The following GRID2 variants were observed in gnomAD, a reference collection of about 807,000 sequenced individuals.
GRID2 encodes the protein glutamate receptor ionotropic, delta-2.
GRID2 carries 33 observed loss-of-function variants against 114.8 expected under a neutral mutation model. The ratio of observed to expected loss-of-function variants is 0.29; its 90% CI spans 0.22 to 0.38. GRID2 has a LOEUF of 0.38. GRID2 is among the 10% of genes least tolerant of loss of function. The probability of loss-of-function intolerance (pLI) is 1.00; values close to 1 mark genes in which losing one functional copy is unlikely to be tolerated. For synonymous variants in GRID2, 505 were observed against 449.9 expected (o/e 1.12, Z -1.55); for missense variants, 1,184 against 1,257.7 (o/e 0.94, Z 0.89).
chr4:93,187,758 G>A (rs1167823139), intron 4 of GRID2, among the ~76,000 whole-genome samples: 1 of 152,136 alleles, frequency 6.6e-6, no homozygotes, highest in Non-Finnish European at 1.5e-5. Flanking sequence ...ACAATGATTG[G>A]ACAGACATAG....
At chr4:93,262,275 C>T (rs530426009) in intron 8 of GRID2, among the ~76,000 whole-genome samples, 25 of 152,024 alleles carry the variant, frequency 1.6e-4, no homozygotes, top group African/African-American at 5.3e-4. Flanking sequence ...GCATTCCTTT[C>T]TAAAGCAGTG....
chr4:92,333,517 A>C (rs1727002459), intron 1 of GRID2, among the ~76,000 whole-genome samples: 1 of 151,898 alleles, frequency 6.6e-6, no homozygotes, highest in South Asian at 2.1e-4. Flanking sequence ...TTGCTTGGAC[A>C]CTCTTGGTTT....
chr4:93,335,849 A>G (rs1759025324), intron 8 of GRID2, among the ~76,000 whole-genome samples: 1 of 151,774 alleles, frequency 6.6e-6, no homozygotes, highest in Non-Finnish European at 1.5e-5. Flanking sequence ...CAGGCACACT[A>G]TCATATTCGG....
At position 93,110,770 on chromosome 4, in the gene GRID2, C is replaced by G. The variant is rs1353138332; in HGVS notation, c.552C>G (p.Phe184Leu). The change falls in exon 4 of 16, where the codon TTC becomes TTG. Residue 184 changes from phenylalanine (F) to leucine (L), a missense_variant. This residue lies in a region of GRID2 where 455 missense variants were observed against 429.5 expected (regional missense o/e 1.06). Transcript: ENST00000282020. ...CAGATATCCGTGGAATACAGGAGTT[C>G]TTGGACAAAGTCTCTCAGCAGGGAA... Reference protein sequence around the residue: ...SEYDIRGIQEFLDKVSQQGMD... With the variant: ...SEYDIRGIQELLDKVSQQGMD... 1 of 1,611,762 alleles carries G rather than the reference C, an allele frequency of 6.2e-7. No individual in the cohort carries two copies. The highest frequency in any genetic ancestry group is 1.3e-5 in the African/African-American group (1 of 74,864).
intron 11 of GRID2, 117 bp from the exon 12 acceptor site, chr4:93,490,522 G>A (rs1191344050): frequency 4.4e-6 from 3 of 675,682 alleles, no homozygotes; most frequent in African/African-American, 3.6e-5. Flanking sequence ...CTATGTTGAT[G>A]TTAAGCAGAA....
chr4:93,104,281 A>T (rs1731985701), intron 3 of GRID2, among the ~76,000 whole-genome samples: 1 of 152,148 alleles, frequency 6.6e-6, no homozygotes, highest in Non-Finnish European at 1.5e-5. Context: ...AGAGGCTTAA[A>T]CAACACAAGT....
intron 2 of GRID2, among the ~76,000 whole-genome samples, chr4:93,067,276 C>A (rs979571156): frequency 6.6e-6 from 1 of 151,902 alleles, no homozygotes; most frequent in Non-Finnish European, 1.5e-5. Flanking sequence ...GCCAAGCACC[C>A]TTATCATCTT....
At chr4:92,400,736 G>T (rs1342403767) in intron 1 of GRID2, among the ~76,000 whole-genome samples, 1 of 151,978 alleles carries the variant, frequency 6.6e-6, no homozygotes, top group Non-Finnish European at 1.5e-5. Context: ...AACGCATGAA[G>T]GTTCTTATTT....
chr4:92,398,105 A>G (rs1378594748), intron 1 of GRID2, among the ~76,000 whole-genome samples: 1 of 152,184 alleles, frequency 6.6e-6, no homozygotes, highest in Non-Finnish European at 1.5e-5. Context: ...TTGACATGGC[A>G]AATTTTGACT....
chr4:93,535,687 G>A (rs996580721), intron 13 of GRID2, among the ~76,000 whole-genome samples: 3 of 151,936 alleles, frequency 2.0e-5, no homozygotes, highest in South Asian at 4.2e-4. Context: ...TTGGCCATTT[G>A]TATACCCTCT....
chr4:92,522,100 A>C (rs1185567220), intron 1 of GRID2, among the ~76,000 whole-genome samples: 1 of 151,830 alleles, frequency 6.6e-6, no homozygotes. Context: ...TGGCAGTATT[A>C]AGGAGGAGCA....
chr4:92,723,864 C>T lies in GRID2; in HGVS notation c.244+133578C>T, dbSNP rs146132692. 2.6e-4 allele frequency among the ~76,000 whole-genome samples: 39 copies of T among 152,244 alleles called. No homozygotes were observed. The East Asian group carries it at 7.3e-3, about 29-fold the overall frequency. On this transcript the variant is annotated intron_variant, in intron 2 of 15. Transcript: ENST00000282020. ...AAGTCGGCTACTTCTCTTCCTATTA[C>T]CTCTTGTTTGTAAATATGATTAAAT...
chr4:92,854,444 C>T (rs538195589), intron 2 of GRID2, among the ~76,000 whole-genome samples: 2 of 151,988 alleles, frequency 1.3e-5, no homozygotes, highest in East Asian at 3.9e-4. Flanking sequence ...GCTTGAGGAA[C>T]ATAGAGTGAT....
At chr4:93,544,550 G>T (rs1172247890) in intron 13 of GRID2, among the ~76,000 whole-genome samples, 1 of 152,038 alleles carries the variant, frequency 6.6e-6, no homozygotes, top group Non-Finnish European at 1.5e-5. Flanking sequence ...GGCCAAGGCA[G>T]GTGGATCACC....
intron 8 of GRID2, among the ~76,000 whole-genome samples, chr4:93,327,886 AT>A (rs1409995175): frequency 6.6e-6 from 1 of 152,182 alleles, no homozygotes; most frequent in Non-Finnish European, 1.5e-5. Flanking sequence ...ATAAATTTAT[AT>A]AAATAGACGT....
At position 93,455,815 on chromosome 4, in the gene GRID2, C is replaced by T. The variant is rs199616654; in HGVS notation, c.1699C>T (p.Leu567Phe). The change falls in exon 11 of 16, where the codon CTC becomes TTC. Residue 567 changes from leucine to phenylalanine, a missense_variant. Leu to Phe is a conservative substitution (Grantham distance 22, BLOSUM62 0). Transcript: ENST00000282020. ...DMFACLAPFD[L>F]SLWACIAGTV... ...GTTTGCCTGTCTTGCACCATTTGAT[C>T]TCTCTCTATGGGCTTGCATTGCTGG... 4 of 1,613,626 alleles carry T rather than the reference C, an allele frequency of 2.5e-6. No homozygotes were observed. The East Asian group carries it at 8.9e-5, about 36-fold the overall frequency.
At chr4:92,989,951 A>G (rs1193685747) in intron 2 of GRID2, among the ~76,000 whole-genome samples, 2 of 152,192 alleles carry the variant, frequency 1.3e-5, no homozygotes, top group South Asian at 2.1e-4. Context: ...ACTAGGCATC[A>G]GGAATTGAAA....
At chr4:93,453,313 GGAAAGAGA>G (rs1159375317) in intron 10 of GRID2, among the ~76,000 whole-genome samples, 2 of 98,562 alleles carry the variant, frequency 2.0e-5, no homozygotes, top group African/African-American at 8.9e-5. Flanking sequence ...CTCAGAGATG[GGAAAGAGA>G]GAGAGAGAGA....
At chr4:93,257,978 G>A (rs1022029283) in intron 8 of GRID2, among the ~76,000 whole-genome samples, 5 of 139,034 alleles carry the variant, frequency 3.6e-5, no homozygotes, top group Non-Finnish European at 7.7e-5. Flanking sequence ...ATATGTGTGT[G>A]TATATATATA....
Sources: gnomAD v4.1 joint callset for allele counts (sites outside exome capture counted in the v4.1 genomes callset) on GRCh38, gnomAD v4.1.1 for gene constraint, gnomAD v4.1.1 regional missense constraint, MANE v1.5 for transcripts, NCBI Gene and HGNC (gene_info 2026-07-23, HGNC 2026-07-21) for gene names.